PDE1C: variants seen among roughly 807,000 people sequenced by gnomAD.
PDE1C encodes the protein dual specificity calcium/calmodulin-dependent 3',5'-cyclic nucleotide phosphodiesterase 1C.
In PDE1C, 62 loss-of-function variants were observed where a neutral mutation model predicts 93.1. The ratio of observed to expected loss-of-function variants is 0.67; its 90% CI spans 0.54 to 0.82. The LOEUF (loss-of-function observed/expected upper bound fraction) is 0.82, where lower values mean the gene tolerates loss of function less well. PDE1C is among the 40% of genes least tolerant of loss of function. The pLI, the probability that PDE1C is intolerant of heterozygous loss-of-function variation, is 0.00. For missense variants in PDE1C, 742 were observed against 884.6 expected (o/e 0.84, Z 2.04); for synonymous variants, 325 against 310.1 (o/e 1.05, Z -0.50).
At chr7:31,800,912 G>C (rs1261590030) in intron 16 of PDE1C, among the ~76,000 whole-genome samples, 1 of 151,330 alleles carries the variant, frequency 6.6e-6, no homozygotes, top group East Asian at 2.0e-4. Flanking sequence ...TTAGGTCAAT[G>C]TAGATACCAA....
At chr7:31,986,782 G>A (rs544196982) in intron 2 of PDE1C, among the ~76,000 whole-genome samples, 1 of 152,202 alleles carries the variant, frequency 6.6e-6, no homozygotes, top group Non-Finnish European at 1.5e-5. Context: ...TGGACTTCTG[G>A]CCTCCAGAAC....
At chr7:31,725,256 T>C in the PDE1C span, among the ~76,000 whole-genome samples, 2 of 152,116 alleles carry the variant, frequency 1.3e-5, no homozygotes, top group Non-Finnish European at 2.9e-5. Flanking sequence ...CTGGTAGGTA[T>C]GAAGGGAGCT....
upstream of PDE1C, among the ~76,000 whole-genome samples, chr7:32,072,077 G>T (rs556248693): frequency 6.6e-6 from 1 of 152,308 alleles, no homozygotes; most frequent in South Asian, 2.1e-4. Context: ...CTCAAGTAAA[G>T]TTCCATTCAC....
At chr7:32,027,607 TA>T (rs551660766) in intron 2 of PDE1C, among the ~76,000 whole-genome samples, 6 of 78,528 alleles carry the variant, frequency 7.6e-5, no homozygotes, top group Non-Finnish European at 1.1e-4. Context: ...TCAAAAATGG[TA>T]AAAAAAAAAA....
chr7:31,695,353 T>C, the PDE1C span: 1 of 914,302 alleles, frequency 1.1e-6, no homozygotes, highest in Admixed American at 2.8e-5. Flanking sequence ...ACACTTTTCC[T>C]TTTCAGGCCA....
intron 3 of PDE1C, among the ~76,000 whole-genome samples, chr7:32,120,290 G>T (rs1990088): frequency 6.6e-6 from 1 of 152,088 alleles, no homozygotes; most frequent in Non-Finnish European, 1.5e-5. Flanking sequence ...TCTGCAGACC[G>T]TCATACTTAG....
At chr7:31,933,006 G>A (rs1208932666) in intron 2 of PDE1C, among the ~76,000 whole-genome samples, 9 of 152,048 alleles carry the variant, frequency 5.9e-5, no homozygotes, top group African/African-American at 2.2e-4. Context: ...ATAAGTGGGA[G>A]TTGAATAATG....
At chr7:31,642,764 C>G in the PDE1C span, 1 of 1,613,872 alleles carries the variant, frequency 6.2e-7, no homozygotes, top group African/African-American at 1.3e-5. Flanking sequence ...TTAGTATCAT[C>G]CCAGGACTGT....
the PDE1C span, chr7:31,692,331 A>G: frequency 2.3e-6 from 2 of 887,030 alleles, no homozygotes; most frequent in Middle Eastern, 2.3e-4. Context: ...CTCAACAAAT[A>G]TATTTACTTA....
the PDE1C span, among the ~76,000 whole-genome samples, chr7:31,739,972 C>T: frequency 2.1e-4 from 32 of 152,258 alleles, no homozygotes; most frequent in African/African-American, 7.0e-4. Context: ...CTCTCTTTCC[C>T]AAAACCGATC....
At chr7:32,298,454 G>A (rs1812767370) in intron 1 of PDE1C, among the ~76,000 whole-genome samples, 1 of 152,098 alleles carries the variant, frequency 6.6e-6, no homozygotes, top group African/African-American at 2.4e-5. Flanking sequence ...GCCCGCGAGG[G>A]GTGCCGGGGG....
At chr7:32,378,487 G>T (rs959852672) in intron 1 of PDE1C, among the ~76,000 whole-genome samples, 1 of 152,172 alleles carries the variant, frequency 6.6e-6, no homozygotes, top group African/African-American at 2.4e-5. Context: ...GCTAAGAGGA[G>T]AAGAGGAGTC....
At chr7:32,081,642 C>T (rs1220871598) in intron 3 of PDE1C, among the ~76,000 whole-genome samples, 1 of 152,178 alleles carries the variant, frequency 6.6e-6, no homozygotes, top group South Asian at 2.1e-4. Context: ...CACTTTTTCT[C>T]TTCATTTATT....
chr7:32,241,890 G>C (rs1483790510), intron 1 of PDE1C, among the ~76,000 whole-genome samples: 3 of 152,190 alleles, frequency 2.0e-5, no homozygotes, highest in African/African-American at 4.8e-5. Context: ...TGTGAGTGCA[G>C]ATGCAGGGAG....
the PDE1C span, chr7:31,643,432 C>T: frequency 6.2e-7 from 1 of 1,613,900 alleles, no homozygotes; most frequent in Non-Finnish European, 8.5e-7. Context: ...GGGTCAGATA[C>T]TACCTGGGAC....
At chr7:31,618,930 T>C in the PDE1C span, among the ~76,000 whole-genome samples, 1 of 152,238 alleles carries the variant, frequency 6.6e-6, no homozygotes, top group Admixed American at 6.5e-5. Context: ...TGGTTTATCA[T>C]ATGTGTCGAG....
At chr7:32,030,809 A>G (rs1790206912) in intron 2 of PDE1C, among the ~76,000 whole-genome samples, 1 of 152,138 alleles carries the variant, frequency 6.6e-6, no homozygotes, top group African/African-American at 2.4e-5. Flanking sequence ...TCTCTCCTCA[A>G]GGAAGGACTA....
intron 2 of PDE1C, among the ~76,000 whole-genome samples, chr7:31,886,841 T>TTCGGATCTATTCAGAATAGATCTA (rs1562972523): frequency 3.8e-4 from 1 of 2,634 alleles, no homozygotes; most frequent in African/African-American, 8.1e-4. Context: ...GAATAGATCT[T>TTCGGATCTATTCAGAATAGATCTA]TTCGGATCTT....
chr7:31,990,545 C>G (rs932605994), intron 2 of PDE1C, among the ~76,000 whole-genome samples: 1 of 151,634 alleles, frequency 6.6e-6, no homozygotes, highest in South Asian at 2.1e-4. Context: ...GATGGCTAAC[C>G]CACACTCTCA....
Sources: gnomAD v4.1 joint callset for allele counts (sites outside exome capture counted in the v4.1 genomes callset) on GRCh38, gnomAD v4.1.1 for gene constraint, MANE v1.5 for transcripts, NCBI Gene and HGNC (gene_info 2026-07-23, HGNC 2026-07-21) for gene names.